The following IGLL5 variants were observed in gnomAD, a reference collection of about 807,000 sequenced individuals.
The protein encoded by IGLL5 is immunoglobulin lambda like polypeptide 5, also known as immunoglobulin lambda-like polypeptide 5.
Under a neutral mutation model 20.9 loss-of-function variants are expected in IGLL5, and 30 were observed. That is an observed-to-expected ratio of 1.44 (90% CI 1.07 to 1.95). IGLL5 has a LOEUF of 1.95. Ranked by LOEUF, IGLL5 falls within the 30% of genes most tolerant of loss-of-function variation. The pLI, the probability that IGLL5 is intolerant of heterozygous loss-of-function variation, is 0.00. For synonymous variants in IGLL5, 203 were observed against 117.3 expected (o/e 1.73, Z -4.72); for missense variants, 475 against 270.7 (o/e 1.75, Z -5.30).
rs76733424 is a variant in IGLL5, at chr22:22,888,083, T to C, written c.30T>C (p.Cys10=). ...GACCCAAGACAGGCCAAGTGGGTTG[T>C]GAGACCCCTGAGGAGCTGGGCCCTG... MRPKTGQVG[C]ETPEELGPGP... is the part of the protein sequence containing the mutation. The change falls in exon 1 of 3, where the codon TGT becomes TGC. Residue 10 remains cysteine, a synonymous_variant. Coordinates refer to ENST00000526893, the MANE Select transcript of IGLL5 (RefSeq NM_001178126.2). 2 of 1,549,276 alleles carry C rather than the reference T, an allele frequency of 1.3e-6. No homozygotes were observed. The highest frequency in any genetic ancestry group is 1.7e-6 in the Non-Finnish European group (2 of 1,146,564).
At position 22,895,897 on chromosome 22, in the gene IGLL5, G is replaced by A. The variant is rs1483262314; in HGVS notation, c.*203G>A. On this transcript the variant is annotated 3_prime_UTR_variant, in exon 3 of 3. Coordinates refer to ENST00000526893, the MANE Select transcript of IGLL5 (RefSeq NM_001178126.2). ...TAGCCTCCCCGGGGTTCTCAGTGTG[G>A]GGTACAGGGAATTCTGCACCCAGTG... 3 of 634,448 alleles carry A rather than the reference G, an allele frequency of 4.7e-6. No individual in the cohort carries two copies. Among genetic ancestry groups the A allele is most frequent in the African/African-American group, 1.8e-5 (1 of 54,228 alleles). The allele number at this position is 634,448 out of a possible 1,614,324, so 39.3% of individuals were successfully genotyped here. A position where few individuals can be genotyped will look rare whatever the true frequency, so the allele number is the denominator to read the frequency against.
At position 22,895,790 on chromosome 22, in the gene IGLL5, T is replaced by C. The variant is rs1394707280; in HGVS notation, c.*96T>C. On this transcript the variant is annotated 3_prime_UTR_variant, in exon 3 of 3. Coordinates refer to ENST00000526893, the MANE Select transcript of IGLL5 (RefSeq NM_001178126.2). The stretch of plus-strand genomic sequence containing the variant: ...TCCCAAGTCATCCAGCCCTTCTCCC[T>C]GCACTCATGAAACCCCAATAAATAT... 21 of 1,132,496 alleles carry C rather than the reference T, an allele frequency of 1.9e-5. 1 individual carries two copies. In the East Asian group the frequency reaches 4.3e-4, roughly 23 times the overall value. 70.2% of individuals were successfully genotyped at this position (1,132,496 alleles called of 1,614,324 possible).
intron 1 of IGLL5, among the ~76,000 whole-genome samples, chr22:22,888,469 T>C (rs1036441132): frequency 4.0e-5 from 6 of 151,464 alleles, no homozygotes; most frequent in South Asian, 2.1e-4. Flanking sequence ...ATATTATTTT[T>C]CTTGATTTCT....
In IGLL5 at chr22:22,895,638, G is replaced by T; in HGVS notation, c.589G>T (p.Val197Phe). Residue 197 changes from valine to phenylalanine, a missense_variant, in exon 3 of 3, where the codon GTC becomes TTC. Physicochemically the swap from Val to Phe is conservative, Grantham distance 50 (BLOSUM62 -1). Transcript: ENST00000526893. ...WKSHRSYSCQ[V>F]THEGSTVEKT... is the part of the protein sequence containing the mutation. Reference sequence around the variant, plus strand: ...GTCCCACAGAAGCTACAGCTGCCAGGTCACGCATGAAGGGAGCACCGTGGA... The same window carrying T: ...GTCCCACAGAAGCTACAGCTGCCAGTTCACGCATGAAGGGAGCACCGTGGA... The T allele has an allele frequency of 1.9e-6, 3 of 1,613,316 alleles. No individual in the cohort carries two copies. The highest frequency in any genetic ancestry group is 2.5e-6 in the Non-Finnish European group (3 of 1,179,774).
In IGLL5 at chr22:22,888,745, G is replaced by A. The variant is rs184368884; in HGVS notation, c.206+486G>A. Among the ~76,000 whole-genome samples the A allele has an allele frequency of 1.1e-4, 17 of 151,322 alleles. 1 individual carries two copies. The highest frequency in any genetic ancestry group is 4.2e-4 in the South Asian group (2 of 4,740). ...CCCAAGGCTGTCTGTTCACCAACTT[G>A]CACATAAATGCTTACTGGGGCCAGG... On this transcript the variant is annotated intron_variant, in intron 1 of 2. Coordinates refer to ENST00000526893, the MANE Select transcript of IGLL5 (RefSeq NM_001178126.2).
intron 1 of IGLL5, 95 bp downstream of exon 1, chr22:22,888,354 G>T (rs533017778): frequency 5.1e-6 from 6 of 1,175,030 alleles, no homozygotes; most frequent in Admixed American, 2.3e-5. Context: ...TGAGGAGGAA[G>T]GTTAACCCCT....
intron 2 of IGLL5, among the ~76,000 whole-genome samples, chr22:22,894,183 T>A (rs748708980): frequency 6.6e-6 from 1 of 151,432 alleles, no homozygotes; most frequent in Admixed American, 6.6e-5. Context: ...CAGAGGCTGC[T>A]GGGGTGGGCC....
At chr22:22,889,000 T>C (rs2067674504) in intron 1 of IGLL5, among the ~76,000 whole-genome samples, 2 of 151,258 alleles carry the variant, frequency 1.3e-5, no homozygotes, top group South Asian at 2.1e-4. Flanking sequence ...CCTGGGTGAC[T>C]GGGAAGGGGA....
chr22:22,894,047 T>A (rs1487414657), intron 2 of IGLL5, among the ~76,000 whole-genome samples: 4 of 151,348 alleles, frequency 2.6e-5, no homozygotes, highest in East Asian at 4.0e-4. Context: ...TGAGCTGGGA[T>A]TGGGCAGGGT....
At chr22:22,890,481 A>T (rs2146007744) in intron 1 of IGLL5, among the ~76,000 whole-genome samples, 1 of 147,544 alleles carries the variant, frequency 6.8e-6, no homozygotes, top group African/African-American at 2.5e-5. Flanking sequence ...TTGTTTTATA[A>T]GCAAAGTTTA....
chr22:22,894,567 C>G (rs534960038), intron 2 of IGLL5, among the ~76,000 whole-genome samples: 4 of 151,504 alleles, frequency 2.6e-5, no homozygotes, highest in Middle Eastern at 3.8e-3. Flanking sequence ...TCCTGCCTTC[C>G]TCAAAGGGCA....
intron 1 of IGLL5, among the ~76,000 whole-genome samples, chr22:22,893,059 A>C (rs2067897401): frequency 1.3e-5 from 2 of 151,196 alleles, no homozygotes; most frequent in Non-Finnish European, 2.9e-5. Flanking sequence ...GCCATGTCCC[A>C]GCATAAAAAC....
chr22:22,888,383 C>G, intron 1 of IGLL5, 124 bp downstream of exon 1: 4 of 787,836 alleles, frequency 5.1e-6, no homozygotes, highest in Admixed American at 2.8e-5. Context: ...CCTGGGCTGA[C>G]ACTGGCTTTA....
intron 2 of IGLL5, 127 bp from the exon 3 acceptor site, chr22:22,895,248 G>A (rs1369876158): frequency 2.4e-6 from 2 of 841,726 alleles, no homozygotes; most frequent in Non-Finnish European, 1.9e-6. Flanking sequence ...GAAAGAAGAG[G>A]AGAGAACCCC....
chr22:22,888,989 T>C (rs2067673464), intron 1 of IGLL5, among the ~76,000 whole-genome samples: 2 of 151,084 alleles, frequency 1.3e-5, no homozygotes, highest in Admixed American at 6.6e-5. Context: ...GGCTGGGAGC[T>C]CCTGGGTGAC....
At chr22:22,894,363 T>G (rs2068021847) in intron 2 of IGLL5, among the ~76,000 whole-genome samples, 3 of 151,390 alleles carry the variant, frequency 2.0e-5, no homozygotes, top group East Asian at 2.0e-4. Context: ...GGGTCTAGGC[T>G]GCAGCTCTGT....
Position 22,888,195 on chromosome 22 carries a change from G to C in IGLL5, c.142G>C (p.Gly48Arg). 6.5e-7 allele frequency: 1 copy of C among 1,548,808 alleles called. No homozygotes were observed. Among genetic ancestry groups the C allele is most frequent in the South Asian group, 1.2e-5 (1 of 83,972 alleles). ...GCGCCCAATGGTTGCACCGCAAAGC[G>C]GGGACCCAGACCCTGGAGCCTCAGT... ...LLRPMVAPQS[G>R]DPDPGASVGS... Residue 48 changes from glycine to arginine, a missense_variant, in exon 1 of 3, where the codon GGG becomes CGG. Coordinates refer to ENST00000526893, the MANE Select transcript of IGLL5 (RefSeq NM_001178126.2).
At chr22:22,889,297 G>C (rs2067705436) in intron 1 of IGLL5, among the ~76,000 whole-genome samples, 1 of 151,024 alleles carries the variant, frequency 6.6e-6, no homozygotes, top group African/African-American at 2.4e-5. Context: ...AAGTTGAAGT[G>C]AGGGCTGAGC....
At position 22,888,088 on chromosome 22, in the gene IGLL5, C is replaced by G. The variant is rs553086290; in HGVS notation, c.35C>G (p.Thr12Ser). ...RPKTGQVGCE[T>S]PEELGPGPRQ... ...AAGACAGGCCAAGTGGGTTGTGAGA[C>G]CCCTGAGGAGCTGGGCCCTGGTCCC... The change falls in exon 1 of 3, where the codon ACC (threonine) becomes AGC (serine). Residue 12 changes from threonine (T) to serine (S), a missense_variant. Thr to Ser is a moderately conservative substitution (Grantham distance 58). Coordinates refer to ENST00000526893, the MANE Select transcript of IGLL5 (RefSeq NM_001178126.2). 1 of 1,549,358 alleles carries G rather than the reference C, an allele frequency of 6.5e-7. No individual in the cohort carries two copies.
Sources: gnomAD v4.1 joint callset for allele counts (sites outside exome capture counted in the v4.1 genomes callset) on GRCh38, gnomAD v4.1.1 for gene constraint, MANE v1.5 for transcripts, NCBI Gene and HGNC (gene_info 2026-07-23, HGNC 2026-07-21) for gene names.